PNPT1: variants seen among roughly 807,000 people sequenced by gnomAD.
PNPT1 encodes the protein polyribonucleotide nucleotidyltransferase 1.
PNPT1 carries 53 observed loss-of-function variants against 119.5 expected under a neutral mutation model. That is an observed-to-expected ratio of 0.44 (90% CI 0.36 to 0.56). The LOEUF (loss-of-function observed/expected upper bound fraction) is 0.56. Among genes scored for constraint, PNPT1 ranks in the 20% least tolerant of loss-of-function variants. The pLI, the probability that PNPT1 is intolerant of heterozygous loss-of-function variation, is 0.00. For missense variants in PNPT1, 948 were observed against 938.5 expected (o/e 1.01, Z -0.13); for synonymous variants, 357 against 322.1 (o/e 1.11, Z -1.16).
intron 18 of PNPT1, among the ~76,000 whole-genome samples, chr2:55,649,800 G>A (rs774263389): frequency 2.6e-5 from 4 of 152,046 alleles, no homozygotes; most frequent in East Asian, 1.9e-4. Context: ...GTCAGTATTC[G>A]GATTAGCTTA....
intron 2 of PNPT1, 49 bp from the exon 3 acceptor site, chr2:55,686,493 A>G: frequency 7.1e-7 from 1 of 1,414,256 alleles, no homozygotes; most frequent in African/African-American, 1.4e-5. Context: ...ATCAGATATT[A>G]GCATCTAAGT....
intron 1 of PNPT1, among the ~76,000 whole-genome samples, chr2:55,691,595 A>C (rs1030856893): frequency 6.6e-6 from 1 of 152,140 alleles, no homozygotes; most frequent in Non-Finnish European, 1.5e-5. Context: ...TATGGAAAAT[A>C]TGGAGGGCAG....
chr2:55,667,575 G>C (rs541287875), intron 12 of PNPT1, among the ~76,000 whole-genome samples: 1 of 141,532 alleles, frequency 7.1e-6, no homozygotes, highest in Non-Finnish European at 1.5e-5. Flanking sequence ...GACAGAGCGA[G>C]ACTCTGTCTC....
At chr2:55,650,522 G>A (rs1696142585) in intron 18 of PNPT1, among the ~76,000 whole-genome samples, 2 of 152,116 alleles carry the variant, frequency 1.3e-5, no homozygotes, top group Non-Finnish European at 2.9e-5. Flanking sequence ...GCCTGCCTTG[G>A]CCTCCCAAAG....
intron 3 of PNPT1, 103 bp downstream of exon 3, chr2:55,686,267 G>A: frequency 2.0e-6 from 2 of 1,002,410 alleles, no homozygotes. Context: ...TCTTTGTTGT[G>A]CAAGTTTGTA....
At chr2:55,678,737 G>A (rs1328247843) in intron 8 of PNPT1, among the ~76,000 whole-genome samples, 1 of 152,160 alleles carries the variant, frequency 6.6e-6, no homozygotes, top group Admixed American at 6.5e-5. Context: ...GAAAAATAAA[G>A]TTTCCATCTT....
At chr2:55,670,100 T>A (rs189243634) in intron 11 of PNPT1, among the ~76,000 whole-genome samples, 1 of 151,754 alleles carries the variant, frequency 6.6e-6, no homozygotes, top group African/African-American at 2.4e-5. Flanking sequence ...AGAGTATATT[T>A]GTCTATTAGA....
chr2:55,661,873 ATAAT>A (rs1427345438), intron 14 of PNPT1, 79 bp downstream of exon 14: 113 of 1,249,790 alleles, frequency 9.0e-5, no homozygotes, highest in South Asian at 1.4e-4. Flanking sequence ...AAAAGTAACA[ATAAT>A]TAATAATATA....
At chr2:55,683,217 C>T (rs139815779) in intron 5 of PNPT1, among the ~76,000 whole-genome samples, 1 of 152,132 alleles carries the variant, frequency 6.6e-6, no homozygotes, top group Non-Finnish European at 1.5e-5. Flanking sequence ...TCTTTCCTGC[C>T]TCTGGGCTTT....
At chr2:55,648,001 TTTATAAC>T (rs1696055020) in intron 18 of PNPT1, among the ~76,000 whole-genome samples, 2 of 152,178 alleles carry the variant, frequency 1.3e-5, no homozygotes, top group African/African-American at 4.8e-5. Flanking sequence ...AATAGCAAAC[TTTATAAC>T]TTTTAAATTA....
intron 5 of PNPT1, among the ~76,000 whole-genome samples, chr2:55,681,761 C>T (rs1306831569): frequency 6.7e-6 from 1 of 148,452 alleles, no homozygotes; most frequent in Non-Finnish European, 1.5e-5. Flanking sequence ...AGGAGAATCA[C>T]TTGAACCCGG....
intron 19 of PNPT1, among the ~76,000 whole-genome samples, 194 bp downstream of exon 19, chr2:55,647,153 A>C (rs1222721777): frequency 2.6e-5 from 4 of 152,148 alleles, no homozygotes. Context: ...TTCATATCCT[A>C]TAAGATACAA....
At chr2:55,643,279 T>C (rs1329712194) in intron 24 of PNPT1, 40 bp downstream of exon 24, 2 of 1,612,416 alleles carry the variant, frequency 1.2e-6, no homozygotes, top group Admixed American at 3.3e-5. Flanking sequence ...AAAAAACAAA[T>C]ATAGCTATAT....
At chr2:55,667,246 A>G (rs1408797518) in intron 12 of PNPT1, among the ~76,000 whole-genome samples, 153 bp from the exon 13 acceptor site, 1 of 152,198 alleles carries the variant, frequency 6.6e-6, no homozygotes, top group Non-Finnish European at 1.5e-5. Context: ...ACTATCCTGA[A>G]TATCACTGAA....
chr2:55,643,051 C>G (rs1158535146), intron 25 of PNPT1, 107 bp downstream of exon 25: 1 of 1,192,532 alleles, frequency 8.4e-7, no homozygotes, highest in Non-Finnish European at 1.2e-6. Context: ...GAGTTCAAGG[C>G]AGCTGTGAGG....
chr2:55,683,532 G>A (rs1007652864), intron 5 of PNPT1, among the ~76,000 whole-genome samples: 3 of 149,298 alleles, frequency 2.0e-5, no homozygotes, highest in African/African-American at 7.4e-5. Context: ...AGAATCACTT[G>A]AACCTGGGAG....
chr2:55,670,095 A>G (rs17738659), intron 11 of PNPT1, among the ~76,000 whole-genome samples: 8,700 of 151,186 alleles, frequency 0.058, 318 homozygotes, highest in Admixed American at 0.089. Flanking sequence ...ATGTGAGAGT[A>G]TATTTGTCTA....
intron 23 of PNPT1, 62 bp from the exon 24 acceptor site, chr2:55,643,487 G>A: frequency 1.4e-6 from 2 of 1,418,034 alleles, no homozygotes; most frequent in Non-Finnish European, 2.0e-6. Flanking sequence ...GGTCACATCT[G>A]TAATCCCAGC....
intron 11 of PNPT1, among the ~76,000 whole-genome samples, chr2:55,668,541 C>T (rs1696808815): frequency 6.6e-6 from 1 of 151,872 alleles, no homozygotes; most frequent in Non-Finnish European, 1.5e-5. Context: ...CCCGGCCCAT[C>T]AGTTCCCTTT....
Sources: allele counts gnomAD v4.1 joint callset (sites outside exome capture counted in the v4.1 genomes callset), GRCh38; gene constraint gnomAD v4.1.1; transcripts MANE v1.5; gene names NCBI Gene and HGNC (gene_info 2026-07-23, HGNC 2026-07-21).